Variants in JAKMIP1 observed in about 807,000 individuals in gnomAD.
The protein encoded by JAKMIP1 is janus kinase and microtubule interacting protein 1.
Under a neutral mutation model 113.0 loss-of-function variants are expected in JAKMIP1, and 33 were observed. The observed-to-expected ratio is 0.29, with a 90% confidence interval of 0.22 to 0.39. JAKMIP1 has a LOEUF of 0.39. Among genes scored for constraint, JAKMIP1 ranks in the 10% least tolerant of loss-of-function variants. The pLI, the probability that JAKMIP1 is intolerant of heterozygous loss-of-function variation, is 1.00. For missense variants in JAKMIP1, 813 were observed against 1,080.5 expected (o/e 0.75, Z 3.47); for synonymous variants, 480 against 459.9 (o/e 1.04, Z -0.56).
chr4:6,059,416 C>G lies in JAKMIP1; in HGVS notation c.1644+1008G>C, dbSNP rs1244793306. ...AAGCCGCCTGGAACCTCTTACACCC[C>G]TTGCTTCACACCCGCCTCCTCCCAC... On this transcript the variant is annotated intron_variant, in intron 11 of 20. Transcript: ENST00000409021. This position sits in a 1 kb window ranked among gnomAD's most constrained non-coding sequence, Gnocchi z 4.8. 6.6e-6 allele frequency among the ~76,000 whole-genome samples: 1 copy of G among 152,172 alleles called. No homozygotes were observed. The highest frequency in any genetic ancestry group is 6.5e-5 in the Admixed American group (1 of 15,286).
In JAKMIP1 at chr4:6,094,520, C is replaced by T. The variant is rs982185098; in HGVS notation, c.625-8891G>A. 9.2e-5 allele frequency among the ~76,000 whole-genome samples: 14 copies of T among 152,290 alleles called. No homozygotes were observed. Among genetic ancestry groups the T allele is most frequent in the East Asian group, 7.7e-4 (4 of 5,164 alleles). ...GGGGCCCCTGGGGTCTCAGGAACTG[C>T]GGGCACCCAGCCTAGGCTGGTCCAT... On this transcript the variant is annotated intron_variant, in intron 3 of 20. Coordinates refer to ENST00000409021, the MANE Select transcript of JAKMIP1 (RefSeq NM_001099433.2). This position sits in a 1 kb window ranked among gnomAD's most constrained non-coding sequence, Gnocchi z 4.2.
chr4:6,189,933 C>T (rs1443965335), intron 1 of JAKMIP1, among the ~76,000 whole-genome samples: 1 of 152,186 alleles, frequency 6.6e-6, no homozygotes, highest in African/African-American at 2.4e-5. Flanking sequence ...GCAGGCGTGG[C>T]AGGAGAGGGA....
At chr4:6,117,765 C>G (rs1578285233) in intron 1 of JAKMIP1, among the ~76,000 whole-genome samples, 1 of 152,180 alleles carries the variant, frequency 6.6e-6, no homozygotes, top group South Asian at 2.1e-4. Context: ...GGTGCGCATT[C>G]TCTTTCTCAG....
intron 1 of JAKMIP1, among the ~76,000 whole-genome samples, chr4:6,130,034 T>A (rs1338685560): frequency 1.3e-5 from 2 of 152,212 alleles, no homozygotes; most frequent in Non-Finnish European, 2.9e-5. Flanking sequence ...ACCTCTGGCC[T>A]CATGGTCAGA....
rs1489545518 is a variant in JAKMIP1, at chr4:6,140,513, C to T, written c.-147-27516G>A. ...CCCCCGATCAGCTTAAGGCCCCTTCCAATAATGTGGCTCGGGTCTTTCTGC... is the reference window on the plus strand; with the variant it reads ...CCCCCGATCAGCTTAAGGCCCCTTCTAATAATGTGGCTCGGGTCTTTCTGC... On this transcript the variant is annotated intron_variant, in intron 1 of 20. Coordinates refer to ENST00000409021, the MANE Select transcript of JAKMIP1 (RefSeq NM_001099433.2). This position sits in a 1 kb window ranked among gnomAD's most constrained non-coding sequence, Gnocchi z 9.4. Among the ~76,000 whole-genome samples the T allele has an allele frequency of 6.6e-6, 1 of 152,078 alleles. No individual in the cohort carries two copies. The highest frequency in any genetic ancestry group is 2.4e-5 in the African/African-American group (1 of 41,352).
chr4:6,102,638 C>T (rs1456345914), intron 3 of JAKMIP1, among the ~76,000 whole-genome samples: 1 of 148,458 alleles, frequency 6.7e-6, no homozygotes, highest in Non-Finnish European at 1.5e-5. Flanking sequence ...CAGTAATGAA[C>T]TAAAACAGGT....
chr4:6,151,734 G>GGAC (rs1721593110), intron 1 of JAKMIP1, among the ~76,000 whole-genome samples: 1 of 152,180 alleles, frequency 6.6e-6, no homozygotes, highest in Admixed American at 6.5e-5. Flanking sequence ...CATTGAAGCT[G>GGAC]GACGGCAAAG....
chr4:6,081,834 A>T lies in JAKMIP1; in HGVS notation c.955-79T>A, dbSNP rs1361164338. 6.4e-7 allele frequency: 1 copy of T among 1,559,890 alleles called. No homozygotes were observed. Among genetic ancestry groups the T allele is most frequent in the Admixed American group, 1.7e-5 (1 of 58,472 alleles). Reference sequence around the variant, plus strand: ...GGTCACAGCACCGAGGTGAGCAGAGACTCAACCCAGTTAGGACCCCTTCTG... The same window carrying T: ...GGTCACAGCACCGAGGTGAGCAGAGTCTCAACCCAGTTAGGACCCCTTCTG... On this transcript the variant is annotated intron_variant, in intron 5 of 20. Transcript: ENST00000409021. This position sits in a 1 kb window ranked among gnomAD's most constrained non-coding sequence, Gnocchi z 4.6.
chr4:6,076,227 A>C lies in JAKMIP1; in HGVS notation c.1302+2712T>G, dbSNP rs1407283925. Among the ~76,000 whole-genome samples the C allele has an allele frequency of 6.6e-6, 1 of 152,108 alleles. No individual in the cohort carries two copies. The highest frequency in any genetic ancestry group is 2.4e-5 in the African/African-American group (1 of 41,414). ...AATAAAATAAACAAACAAACAAATA[A>C]ATATAGACAAGTTCTACTCAAACCA... On this transcript the variant is annotated intron_variant, in intron 8 of 20. Coordinates refer to ENST00000409021, the MANE Select transcript of JAKMIP1 (RefSeq NM_001099433.2). This position sits in a 1 kb window ranked among gnomAD's most constrained non-coding sequence, Gnocchi z 4.8.
intron 1 of JAKMIP1, among the ~76,000 whole-genome samples, chr4:6,131,472 G>T (rs1483219631): frequency 2.0e-5 from 3 of 152,010 alleles, no homozygotes; most frequent in African/African-American, 7.3e-5. Context: ...GCTCATGCCT[G>T]TAATCCCAAT....
In JAKMIP1 at chr4:6,167,418, C is replaced by T. The variant is rs1462574770; in HGVS notation, c.-148+32835G>A. Among the ~76,000 whole-genome samples the T allele has an allele frequency of 2.0e-5, 3 of 152,176 alleles. No individual in the cohort carries two copies. The highest frequency in any genetic ancestry group is 2.9e-5 in the Non-Finnish European group (2 of 68,034). Reference sequence around the variant, plus strand: ...CCTACCCTCAACTTCTCCTCCTCCACCCTGGGACAGCCACCTTCCCACAAG... The same window carrying T: ...CCTACCCTCAACTTCTCCTCCTCCATCCTGGGACAGCCACCTTCCCACAAG... On this transcript the variant is annotated intron_variant, in intron 1 of 20. Transcript: ENST00000409021. The surrounding 1 kb of genome is among the most constrained non-coding windows in gnomAD (Gnocchi z 5.3).
intron 1 of JAKMIP1, among the ~76,000 whole-genome samples, chr4:6,128,130 A>G (rs1191443725): frequency 6.6e-6 from 1 of 152,188 alleles, no homozygotes; most frequent in Non-Finnish European, 1.5e-5. Context: ...CGAGACAGAA[A>G]CTGGCCACAG....
In JAKMIP1 at chr4:6,086,615, C is replaced by A. The variant is rs946391635; in HGVS notation, c.625-986G>T. On this transcript the variant is annotated intron_variant, in intron 3 of 20. Coordinates refer to ENST00000409021, the MANE Select transcript of JAKMIP1 (RefSeq NM_001099433.2). This position sits in a 1 kb window ranked among gnomAD's most constrained non-coding sequence, Gnocchi z 4.1. ...TGCAGAGGAAGTGTCAGCCCCAGGT[C>A]ATCCACTCTGGCTTTTTCTGGATGC... 1.3e-5 allele frequency among the ~76,000 whole-genome samples: 2 copies of A among 152,132 alleles called. No homozygotes were observed. The highest frequency in any genetic ancestry group is 4.8e-5 in the African/African-American group (2 of 41,440).
At chr4:6,070,438 C>A (rs1560139432) in intron 8 of JAKMIP1, among the ~76,000 whole-genome samples, 1 of 152,252 alleles carries the variant, frequency 6.6e-6, no homozygotes, top group Non-Finnish European at 1.5e-5. Context: ...GCTGGCCACG[C>A]CAACCGCGGG....
intron 1 of JAKMIP1, among the ~76,000 whole-genome samples, chr4:6,125,513 G>A (rs1717298027): frequency 6.6e-6 from 1 of 151,896 alleles, no homozygotes; most frequent in South Asian, 2.1e-4. Flanking sequence ...ATGTGTCCAG[G>A]AGAGGGTGAT....
chr4:6,167,714 G>T lies in JAKMIP1; in HGVS notation c.-148+32539C>A, dbSNP rs1325496669. 1.3e-5 allele frequency among the ~76,000 whole-genome samples: 2 copies of T among 152,222 alleles called. No homozygotes were observed. The highest frequency in any genetic ancestry group is 2.9e-5 in the Non-Finnish European group (2 of 68,042). ...CAGCTCCCTCCACCCCACCATGAATGTACTGCTATCCTCACTTTACAGATG... is the reference window on the plus strand; with the variant it reads ...CAGCTCCCTCCACCCCACCATGAATTTACTGCTATCCTCACTTTACAGATG... On this transcript the variant is annotated intron_variant, in intron 1 of 20. Coordinates refer to ENST00000409021, the MANE Select transcript of JAKMIP1 (RefSeq NM_001099433.2). This position sits in a 1 kb window ranked among gnomAD's most constrained non-coding sequence, Gnocchi z 5.3.
chr4:6,090,157 G>A (rs1240626186), intron 3 of JAKMIP1, among the ~76,000 whole-genome samples: 4 of 152,084 alleles, frequency 2.6e-5, no homozygotes, highest in Admixed American at 6.5e-5. Flanking sequence ...GGCAGGCAGA[G>A]GTTGCAGTGA....
At position 6,135,397 on chromosome 4, in the gene JAKMIP1, A is replaced by G. The variant is rs1380749134; in HGVS notation, c.-147-22400T>C. Among the ~76,000 whole-genome samples the G allele has an allele frequency of 6.6e-6, 1 of 152,114 alleles. No individual in the cohort carries two copies. Among genetic ancestry groups the G allele is most frequent in the African/African-American group, 2.4e-5 (1 of 41,416 alleles). On this transcript the variant is annotated intron_variant, in intron 1 of 20. Coordinates refer to ENST00000409021, the MANE Select transcript of JAKMIP1 (RefSeq NM_001099433.2). The surrounding 1 kb of genome is among the most constrained non-coding windows in gnomAD (Gnocchi z 4.9). ...AGGAGAGAGGCTTCGGAAGAAACCA[A>G]CCCTGGTGGCAGCTTGATCTCGGAC...
rs1234577395 is a variant in JAKMIP1, at chr4:6,067,797, C to T, written c.1303-2789G>A. Among the ~76,000 whole-genome samples, 5 of 145,816 alleles carry T rather than the reference C, an allele frequency of 3.4e-5. No homozygotes were observed. The East Asian group carries it at 6.2e-4, about 18-fold the overall frequency. On this transcript the variant is annotated intron_variant, in intron 8 of 20. Transcript: ENST00000409021. The surrounding 1 kb of genome is among the most constrained non-coding windows in gnomAD (Gnocchi z 4.6). ...ACGTTCACTCAAGCTCTTCTGCACA[C>T]GCAGGTCACCCCCCTGAGCTCCACG...
Sources: gnomAD v4.1 joint callset for allele counts (sites outside exome capture counted in the v4.1 genomes callset) on GRCh38, gnomAD v4.1.1 for gene constraint, Gnocchi (gnomAD v3.1) non-coding constraint, MANE v1.5 for transcripts, NCBI Gene and HGNC (gene_info 2026-07-23, HGNC 2026-07-21) for gene names.